DLG2: variants seen among roughly 807,000 people sequenced by gnomAD.
DLG2 encodes disks large homolog 2.
A neutral mutation model predicts 132.5 loss-of-function variants in DLG2; 45 were observed. That is an observed-to-expected ratio of 0.34 (90% CI 0.27 to 0.44). The LOEUF is 0.44. DLG2 is among the 20% of genes least tolerant of loss of function. The probability of loss-of-function intolerance (pLI) is 1.00; values close to 1 mark genes in which losing one functional copy is unlikely to be tolerated. For missense variants in DLG2, 1,045 were observed against 1,196.9 expected (o/e 0.87, Z 1.87); for synonymous variants, 424 against 419.6 (o/e 1.01, Z -0.13).
In DLG2 at chr11:84,438,459, T is replaced by A. The variant is rs575506459; in HGVS notation, c.519+96111A>T. On this transcript the variant is annotated intron_variant, in intron 7 of 27. Transcript: ENST00000376104. Reference sequence around the variant, plus strand: ...TTAAACTAAAAAGAGCAAACTACTCTTTTTAAAAAAAATAAAAAATAAAAA... The same window carrying A: ...TTAAACTAAAAAGAGCAAACTACTCATTTTAAAAAAAATAAAAAATAAAAA... Among the ~76,000 whole-genome samples, 4 of 150,476 alleles carry A rather than the reference T, an allele frequency of 2.7e-5. No individual in the cohort carries two copies. The South Asian group carries it at 6.3e-4, about 24-fold the overall frequency.
At chr11:84,734,137 A>G (rs2063516614) in intron 6 of DLG2, among the ~76,000 whole-genome samples, 1 of 152,148 alleles carries the variant, frequency 6.6e-6, no homozygotes, top group Non-Finnish European at 1.5e-5. Flanking sequence ...TTTTGGTTCC[A>G]TATGAACTTT....
chr11:84,050,230 G>C (rs1470400325), intron 11 of DLG2, among the ~76,000 whole-genome samples: 1 of 150,492 alleles, frequency 6.6e-6, no homozygotes, highest in East Asian at 2.0e-4. Context: ...GAAGATATGT[G>C]TTGGTATGGA....
chr11:83,890,371 T>C (rs968944597), intron 15 of DLG2, among the ~76,000 whole-genome samples: 7 of 152,154 alleles, frequency 4.6e-5, no homozygotes, highest in Admixed American at 4.6e-4. Context: ...GTCAGAAATG[T>C]GGTCTTTCCC....
At chr11:83,539,697 A>T (rs2096004646) in intron 20 of DLG2, among the ~76,000 whole-genome samples, 1 of 151,418 alleles carries the variant, frequency 6.6e-6, no homozygotes, top group South Asian at 2.1e-4. Context: ...CACCCTTCAT[A>T]AAAAGTAGAA....
intron 19 of DLG2, among the ~76,000 whole-genome samples, chr11:83,617,321 A>G (rs1333909793): frequency 6.6e-6 from 1 of 152,164 alleles, no homozygotes; most frequent in Non-Finnish European, 1.5e-5. Context: ...TCTTCCTTTA[A>G]TAACATTTGT....
At chr11:83,512,410 A>C (rs1349259889) in intron 21 of DLG2, among the ~76,000 whole-genome samples, 1 of 152,250 alleles carries the variant, frequency 6.6e-6, no homozygotes, top group Non-Finnish European at 1.5e-5. Context: ...AGAAATAAGC[A>C]ATAAACGAGT....
chr11:85,008,946 G>C (rs767196964), intron 6 of DLG2, among the ~76,000 whole-genome samples: 6 of 152,100 alleles, frequency 3.9e-5, no homozygotes, highest in Non-Finnish European at 7.4e-5. Flanking sequence ...GCAGAGATTT[G>C]AGTTTGAATC....
At chr11:84,900,373 A>T (rs2090735625) in intron 6 of DLG2, among the ~76,000 whole-genome samples, 1 of 152,058 alleles carries the variant, frequency 6.6e-6, no homozygotes, top group Non-Finnish European at 1.5e-5. Flanking sequence ...TCTGTACTAT[A>T]TTATGTGTTA....
intron 18 of DLG2, among the ~76,000 whole-genome samples, chr11:83,663,504 AC>A (rs755967490): frequency 9.8e-5 from 15 of 152,352 alleles, no homozygotes; most frequent in African/African-American, 1.7e-4. Flanking sequence ...CTGGCAAGAC[AC>A]CCTGTTAAAA....
intron 6 of DLG2, among the ~76,000 whole-genome samples, chr11:84,985,479 G>A (rs911498868): frequency 2.0e-5 from 3 of 152,028 alleles, no homozygotes; most frequent in African/African-American, 7.3e-5. Context: ...AGCAAAGGTG[G>A]TGCTAAGAGG....
chr11:84,199,408 T>C (rs1429885806), intron 8 of DLG2, among the ~76,000 whole-genome samples: 1 of 152,124 alleles, frequency 6.6e-6, no homozygotes, highest in Non-Finnish European at 1.5e-5. Context: ...ATAAAACATG[T>C]CTAGTATAAT....
At position 85,498,267 on chromosome 11, in the gene DLG2, A is replaced by C. The variant is rs188856045; in HGVS notation, c.40+100390T>G. ...AAGCAAATGGAAAGCAAAAAAAAGCAGGGATTGAAATCCTAGTCTCTGATA... is the reference window on the plus strand; with the variant it reads ...AAGCAAATGGAAAGCAAAAAAAAGCCGGGATTGAAATCCTAGTCTCTGATA... On this transcript the variant is annotated intron_variant, in intron 3 of 27. Transcript: ENST00000376104. 2.1e-3 allele frequency among the ~76,000 whole-genome samples: 325 copies of C among 152,350 alleles called. 2 individuals are homozygous for C. The highest frequency in any genetic ancestry group is 7.6e-3 in the African/African-American group (315 of 41,578).
Position 83,541,696 on chromosome 11 carries a change from G to T in DLG2, c.2103C>A (p.Ile701=). ...GGCATTCTTACCTCCTTTTGCTGGG[G>T]ATGACCCCCATCTCCTCACTGTCTC... The part of the protein sequence containing the change: ...LEGDSEEMGV[I]PSKRRVERKE... Residue 701 remains isoleucine (I), a synonymous_variant, in exon 20 of 28, where the codon ATC becomes ATA. Transcript: ENST00000376104. 1 of 1,605,998 alleles carries T rather than the reference G, an allele frequency of 6.2e-7. No individual in the cohort carries two copies. The highest frequency in any genetic ancestry group is 8.5e-7 in the Non-Finnish European group (1 of 1,176,310).
At chr11:83,523,419 A>G (rs993921490) in intron 21 of DLG2, among the ~76,000 whole-genome samples, 1 of 152,196 alleles carries the variant, frequency 6.6e-6, no homozygotes, top group African/African-American at 2.4e-5. Context: ...CTATGCTACT[A>G]ACATCTGGAA....
intron 21 of DLG2, among the ~76,000 whole-genome samples, chr11:83,492,293 A>G (rs1228186411): frequency 1.1e-4 from 17 of 151,958 alleles, no homozygotes; most frequent in Non-Finnish European, 2.9e-5. Context: ...GAACTCTGGT[A>G]CACCTCCACA....
At chr11:84,280,763 T>C (rs2154370122) in intron 7 of DLG2, among the ~76,000 whole-genome samples, 1 of 151,632 alleles carries the variant, frequency 6.6e-6, no homozygotes, top group African/African-American at 2.4e-5. Context: ...AGTGGCACGA[T>C]CTCAGCTCAC....
intron 6 of DLG2, among the ~76,000 whole-genome samples, chr11:84,678,538 G>C (rs2099720718): frequency 6.6e-6 from 1 of 152,032 alleles, no homozygotes; most frequent in Non-Finnish European, 1.5e-5. Context: ...CATTCTAGGA[G>C]CTTCATTGTC....
chr11:84,920,497 G>A (rs149174586), intron 6 of DLG2, among the ~76,000 whole-genome samples: 1 of 152,192 alleles, frequency 6.6e-6, no homozygotes, highest in Non-Finnish European at 1.5e-5. Flanking sequence ...ACCCTGCATA[G>A]ATGTCCATTA....
At chr11:85,376,794 G>A (rs1011286608) in intron 3 of DLG2, among the ~76,000 whole-genome samples, 2 of 152,146 alleles carry the variant, frequency 1.3e-5, no homozygotes, top group East Asian at 1.9e-4. Context: ...TAAGTAAACA[G>A]ACTGTGGTAT....
Sources: allele counts gnomAD v4.1 joint callset (sites outside exome capture counted in the v4.1 genomes callset), GRCh38; gene constraint gnomAD v4.1.1; transcripts MANE v1.5; gene names NCBI Gene and HGNC (gene_info 2026-07-23, HGNC 2026-07-21).